SLC27A4: variants seen among roughly 807,000 people sequenced by gnomAD.
SLC27A4 encodes solute carrier family 27 member 4, also known as long-chain fatty acid transport protein 4.
Under a neutral mutation model 64.4 loss-of-function variants are expected in SLC27A4, and 33 were observed. That is an observed-to-expected ratio of 0.51 (90% CI 0.39 to 0.68). SLC27A4 has a LOEUF of 0.68. SLC27A4 is among the 30% of genes least tolerant of loss of function. The probability of loss-of-function intolerance (pLI) is 0.00; values close to 1 mark genes in which losing one functional copy is unlikely to be tolerated. For synonymous variants in SLC27A4, 377 were observed against 370.0 expected, an observed-to-expected ratio of 1.02 and a Z score of -0.22; for missense variants, 824 against 883.5, an observed-to-expected ratio of 0.93 and a Z score of 0.85.
chr9:128,344,409 C>T (rs1832622285), intron 2 of SLC27A4, among the ~76,000 whole-genome samples: 1 of 151,978 alleles, frequency 6.6e-6, no homozygotes, highest in South Asian at 2.1e-4. Flanking sequence ...GTTCCAGCTA[C>T]TTGGGAGGCT....
At chr9:128,344,619 G>A (rs1832625964) in intron 2 of SLC27A4, among the ~76,000 whole-genome samples, 2 of 152,214 alleles carry the variant, frequency 1.3e-5, no homozygotes. Flanking sequence ...GGACCCAGGG[G>A]ATAGAGTGTT....
chr9:128,353,213 C>T lies in SLC27A4; in HGVS notation c.1176C>T (p.Ser392=), dbSNP rs752943410. 3 of 1,614,110 alleles carry T rather than the reference C, an allele frequency of 1.9e-6. No individual in the cohort carries two copies. The highest frequency in any genetic ancestry group is 2.5e-6 in the Non-Finnish European group (3 of 1,180,040). ...EFYGATECNC[S]LGNFDSQVGA... ...ACGGGGCCACAGAGTGCAACTGTAG[C>T]CTGGGCAACTTCGACAGCCAGGTGC... Residue 392 remains serine, a synonymous_variant, in exon 8 of 13, where the codon AGC becomes AGT. Transcript: ENST00000300456. The surrounding 1 kb of genome is among the most constrained non-coding windows in gnomAD (Gnocchi z 4.9).
Position 128,355,727 on chromosome 9 carries a change from T to C in SLC27A4, c.1705T>C (p.Leu569=). The change falls in exon 12 of 13, where the codon TTG becomes CTG. Residue 569 remains leucine (L), a synonymous_variant. Coordinates refer to ENST00000300456, the MANE Select transcript of SLC27A4 (RefSeq NM_005094.4). ...NCDLERFAQV[L]EKELPLYARP... is the part of the protein sequence containing the mutation. ...TGACCTGGAGCGCTTTGCTCAGGTC[T>C]TGGAGAAGGAACTGCCCCTGTATGC... 6.2e-7 allele frequency: 1 copy of C among 1,613,774 alleles called. No homozygotes were observed. Among genetic ancestry groups the C allele is most frequent in the East Asian group, 2.2e-5 (1 of 44,870 alleles).
chr9:128,357,969 C>A (rs1328420134), intron 12 of SLC27A4, among the ~76,000 whole-genome samples: 1 of 152,130 alleles, frequency 6.6e-6, no homozygotes, highest in Non-Finnish European at 1.5e-5. Context: ...CATGAGCTTC[C>A]GGAGGATTGA....
Position 128,355,759 on chromosome 9 carries a change from C to T in SLC27A4, c.1737C>T (p.Pro579=). The T allele has an allele frequency of 6.2e-7, 1 of 1,613,820 alleles. No homozygotes were observed. The highest frequency in any genetic ancestry group is 8.5e-7 in the Non-Finnish European group (1 of 1,180,032). Residue 579 remains proline (P), a synonymous_variant, in exon 12 of 13, where the codon CCC becomes CCT. Transcript: ENST00000300456. ...LEKELPLYAR[P]IFLRLLPELH... is the part of the protein sequence containing the mutation. ...AGGAACTGCCCCTGTATGCGCGCCC[C>T]ATCTTCCTGCGCCTCCTGCCTGAGC...
intron 12 of SLC27A4, among the ~76,000 whole-genome samples, chr9:128,359,222 C>T (rs1232298669): frequency 6.6e-6 from 1 of 152,178 alleles, no homozygotes; most frequent in Non-Finnish European, 1.5e-5. Flanking sequence ...GGCGTGGCAG[C>T]TCATGTTTGT....
chr9:128,357,536 G>A (rs572781315), intron 12 of SLC27A4, among the ~76,000 whole-genome samples: 1 of 152,338 alleles, frequency 6.6e-6, no homozygotes, highest in East Asian at 1.9e-4. Flanking sequence ...ATTGCAGGCA[G>A]CCCTGAGGGA....
intron 12 of SLC27A4, among the ~76,000 whole-genome samples, chr9:128,359,793 A>G (rs1832872473): frequency 6.6e-6 from 1 of 152,216 alleles, no homozygotes; most frequent in African/African-American, 2.4e-5. Context: ...TGATAGAGTG[A>G]GACCCTGTCT....
rs545105104 is a variant in SLC27A4 at position 128,355,700 on chromosome 9, T to C, written c.1678T>C (p.Cys560Arg). ...TGCTGTGGCCAGCCCCACTGGCAAC[T>C]GTGACCTGGAGCGCTTTGCTCAGGT... is the stretch of plus-strand genomic sequence containing the variant. Reference protein sequence around the residue: ...MAAVASPTGNCDLERFAQVLE... With the variant: ...MAAVASPTGNRDLERFAQVLE... The change falls in exon 12 of 13, where the codon TGT becomes CGT. Residue 560 changes from cysteine (C) to arginine (R), a missense_variant. By Grantham distance (180) the Cys-to-Arg change is radical. Transcript: ENST00000300456. 37 of 1,613,172 alleles carry C rather than the reference T, an allele frequency of 2.3e-5. No homozygotes were observed. In the East Asian group the frequency reaches 7.8e-4, roughly 34 times the overall value.
rs1428354929 is a variant in SLC27A4 at position 128,353,892 on chromosome 9, C to T, written c.1324+351C>T. ...CCAAGTAGCTGGGACTACAGGCGCC[C>T]GCCACTACGCCCGGCTAATTTTTTG... On this transcript the variant is annotated intron_variant, in intron 9 of 12. Transcript: ENST00000300456. The surrounding 1 kb of genome is among the most constrained non-coding windows in gnomAD (Gnocchi z 4.9). Among the ~76,000 whole-genome samples, 5 of 149,814 alleles carry T rather than the reference C, an allele frequency of 3.3e-5. No individual in the cohort carries two copies. The highest frequency in any genetic ancestry group is 6.6e-5 in the Admixed American group (1 of 15,128).
In SLC27A4 at chr9:128,352,620, C is replaced by A. The variant is rs778091820; in HGVS notation, c.878-18C>A. ...TCTTCATCTCGCTGACCCTCAGGGG[C>A]CATCCCTCTGCCTCCAGGAAACATC... is the stretch of plus-strand genomic sequence containing the variant. On this transcript the variant is annotated intron_variant, in intron 6 of 12. Transcript: ENST00000300456. 9 of 1,594,522 alleles carry A rather than the reference C, an allele frequency of 5.6e-6. No homozygotes were observed. The South Asian group carries it at 8.8e-5, about 16-fold the overall frequency.
chr9:128,350,771 C>T (rs1349545267), intron 6 of SLC27A4, among the ~76,000 whole-genome samples, 196 bp downstream of exon 6: 3 of 152,162 alleles, frequency 2.0e-5, no homozygotes, highest in Non-Finnish European at 4.4e-5. Flanking sequence ...GCCTGGCCAA[C>T]ATGGCAAAAC....
chr9:128,351,155 C>T (rs1832730980), intron 6 of SLC27A4, among the ~76,000 whole-genome samples: 1 of 151,870 alleles, frequency 6.6e-6, no homozygotes. Context: ...TCCCAGCTAT[C>T]TGTGAGGCTG....
At chr9:128,344,243 C>T (rs558870726) in intron 2 of SLC27A4, among the ~76,000 whole-genome samples, 87 of 152,170 alleles carry the variant, frequency 5.7e-4, no homozygotes, top group African/African-American at 2.0e-3. Context: ...CAGGGCTGGG[C>T]GCAGTGGCTC....
chr9:128,345,630 G>A lies in SLC27A4; in HGVS notation c.556+81G>A. The A allele has an allele frequency of 6.8e-7, 1 of 1,462,822 alleles. No homozygotes were observed. The highest frequency in any genetic ancestry group is 9.1e-7 in the Non-Finnish European group (1 of 1,101,696). The allele number at this position is 1,462,822 out of a possible 1,614,324, so 90.6% of individuals were successfully genotyped here. A position where few individuals can be genotyped will look rare whatever the true frequency, so the allele number is the denominator to read the frequency against. ...CACAGCTCCCTTCCAGCCCTGCCAA[G>A]GCTGTGTGGGTCAGTGGTTAAGGGC... On this transcript the variant is annotated intron_variant, in intron 3 of 12. Coordinates refer to ENST00000300456, the MANE Select transcript of SLC27A4 (RefSeq NM_005094.4). The surrounding 1 kb of genome is among the most constrained non-coding windows in gnomAD (Gnocchi z 4.1).
Position 128,345,421 on chromosome 9 carries a change from G to T in SLC27A4, c.428G>T (p.Trp143Leu). The change falls in exon 3 of 13, where the codon TGG becomes TTG. Residue 143 changes from tryptophan (W) to leucine (L), a missense_variant. Physicochemically the swap from Trp to Leu is moderately conservative, Grantham distance 61. Transcript: ENST00000300456. The surrounding 1 kb of genome is among the most constrained non-coding windows in gnomAD (Gnocchi z 4.1). The stretch of plus-strand genomic sequence containing the variant: ...AACCGCAATGAGTTCGTGGGCCTAT[G>T]GCTGGGCATGGCCAAGCTCGGTGTG... Reference protein sequence around the residue: ...MENRNEFVGLWLGMAKLGVEA... With the variant: ...MENRNEFVGLLLGMAKLGVEA... 6.2e-7 allele frequency: 1 copy of T among 1,613,700 alleles called. No individual in the cohort carries two copies. The highest frequency in any genetic ancestry group is 8.5e-7 in the Non-Finnish European group (1 of 1,180,038).
chr9:128,342,390 A>G (rs777302413), intron 1 of SLC27A4: 8 of 1,608,876 alleles, frequency 5.0e-6, no homozygotes, highest in Non-Finnish European at 6.8e-6. Flanking sequence ...GCCAATATGC[A>G]TTGTACATTC....
Position 128,360,679 on chromosome 9 carries a change from A to G in SLC27A4, c.*188A>G, listed in dbSNP as rs1462611913. 2 of 622,722 alleles carry G rather than the reference A, an allele frequency of 3.2e-6. No homozygotes were observed. The highest frequency in any genetic ancestry group is 1.8e-5 in the African/African-American group (1 of 54,304). 38.6% of individuals were successfully genotyped at this position (622,722 alleles called of 1,614,324 possible). A position where few individuals can be genotyped will look rare whatever the true frequency, so the allele number is the denominator to read the frequency against. On this transcript the variant is annotated 3_prime_UTR_variant, in exon 13 of 13. Coordinates refer to ENST00000300456, the MANE Select transcript of SLC27A4 (RefSeq NM_005094.4). Reference sequence around the variant, plus strand: ...CCAACCCTTCCAGAGGCTTTCTGTGAAAGTCTCATGTCCAAGTTCCGTCTT... The same window carrying G: ...CCAACCCTTCCAGAGGCTTTCTGTGGAAGTCTCATGTCCAAGTTCCGTCTT...
intron 10 of SLC27A4, 43 bp downstream of exon 10, chr9:128,355,233 GA>G (rs1185626749): frequency 6.2e-7 from 1 of 1,608,464 alleles, no homozygotes; most frequent in Admixed American, 1.7e-5. Context: ...AGGGTTGGGG[GA>G]GGAGGGGACC....
Sources: allele counts gnomAD v4.1 joint callset (sites outside exome capture counted in the v4.1 genomes callset), GRCh38; gene constraint gnomAD v4.1.1; non-coding constraint Gnocchi (gnomAD v3.1); transcripts MANE v1.5; gene names NCBI Gene and HGNC (gene_info 2026-07-23, HGNC 2026-07-21).